Variants in CDH12 observed in about 807,000 individuals in gnomAD.
CDH12 encodes the protein cadherin-12.
In CDH12, 41 loss-of-function variants were observed where a neutral mutation model predicts 74.1. The ratio of observed to expected loss-of-function variants is 0.55; its 90% CI spans 0.43 to 0.72. The LOEUF (loss-of-function observed/expected upper bound fraction) is 0.72, where lower values mean the gene tolerates loss of function less well. Ranked by LOEUF, CDH12 falls within the 30% of genes least tolerant of loss-of-function variation. The pLI is 0.00. For missense variants in CDH12, 945 were observed against 977.2 expected (o/e 0.97, Z 0.44); for synonymous variants, 399 against 355.0 (o/e 1.12, Z -1.39).
chr5:22,415,543 T>C (rs1414969316), intron 2 of CDH12, among the ~76,000 whole-genome samples: 4 of 152,170 alleles, frequency 2.6e-5, no homozygotes, highest in African/African-American at 7.2e-5. Context: ...TGTTTTGGGA[T>C]TCCTATGAAT....
intron 3 of CDH12, among the ~76,000 whole-genome samples, chr5:22,271,528 T>G (rs1736400324): frequency 6.6e-6 from 1 of 152,196 alleles, no homozygotes; most frequent in African/African-American, 2.4e-5. Context: ...AAGAGCATCT[T>G]GCTTGGAAAA....
At chr5:21,833,134 A>G (rs1248503734) in intron 8 of CDH12, among the ~76,000 whole-genome samples, 2 of 31,456 alleles carry the variant, frequency 6.4e-5, no homozygotes, top group African/African-American at 2.7e-4. Context: ...ATTATATTAT[A>G]AATATATATT....
At chr5:22,295,757 G>A (rs1383054470) in intron 3 of CDH12, among the ~76,000 whole-genome samples, 1 of 151,938 alleles carries the variant, frequency 6.6e-6, no homozygotes, top group Non-Finnish European at 1.5e-5. Context: ...GAAAAATAAG[G>A]TACTGAGTAG....
chr5:22,422,574 T>C (rs955534888), intron 2 of CDH12, among the ~76,000 whole-genome samples: 1 of 152,128 alleles, frequency 6.6e-6, no homozygotes, highest in African/African-American at 2.4e-5. Flanking sequence ...TGATACGATA[T>C]CAACAAATAA....
At chr5:21,883,560 G>C in intron 6 of CDH12, 1 of 1,608,308 alleles carries the variant, frequency 6.2e-7, no homozygotes, top group Admixed American at 1.7e-5. Flanking sequence ...TGGTGGTGCA[G>C]TGTTTGGAGA....
chr5:22,521,044 T>C (rs1037316592), intron 1 of CDH12, among the ~76,000 whole-genome samples: 12 of 151,716 alleles, frequency 7.9e-5, no homozygotes, highest in African/African-American at 2.9e-4. Flanking sequence ...TCCTGTATCA[T>C]GGCAGGAGGT....
At chr5:22,662,893 G>C (rs1349219030) in intron 1 of CDH12, among the ~76,000 whole-genome samples, 1 of 152,022 alleles carries the variant, frequency 6.6e-6, no homozygotes, top group Non-Finnish European at 1.5e-5. Flanking sequence ...TGAAGGCTGA[G>C]GTTCTAAAAC....
intron 3 of CDH12, among the ~76,000 whole-genome samples, chr5:22,262,135 T>C (rs1268000750): frequency 6.6e-6 from 1 of 151,856 alleles, no homozygotes; most frequent in Non-Finnish European, 1.5e-5. Context: ...TTTTTTTTTA[T>C]ACTTTAAGTT....
In CDH12 at chr5:22,837,925, T is replaced by G. The variant is rs527477252; in HGVS notation, c.-523+15133A>C. On this transcript the variant is annotated intron_variant, in intron 1 of 14. Coordinates refer to ENST00000382254, the MANE Select transcript of CDH12 (RefSeq NM_004061.5). ...CTACTGCTCTGTCCTATATATCAATTTGGTGAAACGGGTAGCATACTTCAC... is the reference window on the plus strand; with the variant it reads ...CTACTGCTCTGTCCTATATATCAATGTGGTGAAACGGGTAGCATACTTCAC... 3.9e-4 allele frequency among the ~76,000 whole-genome samples: 59 copies of G among 152,258 alleles called. 1 individual carries two copies. In the South Asian group the frequency reaches 0.012, roughly 31 times the overall value.
At chr5:22,333,550 A>C (rs886420701) in intron 3 of CDH12, among the ~76,000 whole-genome samples, 12 of 152,118 alleles carry the variant, frequency 7.9e-5, no homozygotes, top group Non-Finnish European at 1.5e-5. Flanking sequence ...ATTCTACCAA[A>C]CATCTAAAAA....
At chr5:22,538,955 G>A (rs1041964329) in intron 1 of CDH12, among the ~76,000 whole-genome samples, 1 of 152,122 alleles carries the variant, frequency 6.6e-6, no homozygotes, top group Non-Finnish European at 1.5e-5. Flanking sequence ...TGTTCCACTG[G>A]CACAATCATA....
At chr5:21,847,866 C>T (rs191317105) in intron 7 of CDH12, among the ~76,000 whole-genome samples, 4 of 152,100 alleles carry the variant, frequency 2.6e-5, no homozygotes, top group East Asian at 3.9e-4. Flanking sequence ...ATATATTTCC[C>T]GTATTTATTC....
At chr5:22,382,194 T>C (rs1741789029) in intron 3 of CDH12, among the ~76,000 whole-genome samples, 1 of 146,064 alleles carries the variant, frequency 6.8e-6, no homozygotes, top group Non-Finnish European at 1.5e-5. Context: ...TATATTATTT[T>C]ATTAGATATT....
At chr5:22,274,542 A>G (rs1240931969) in intron 3 of CDH12, among the ~76,000 whole-genome samples, 2 of 152,046 alleles carry the variant, frequency 1.3e-5, no homozygotes, top group African/African-American at 4.8e-5. Flanking sequence ...TTAACCACAA[A>G]CATGAATTTA....
intron 2 of CDH12, among the ~76,000 whole-genome samples, chr5:22,478,417 CAAAAAAAA>C (rs34576542): frequency 1.0e-3 from 91 of 88,476 alleles, no homozygotes; most frequent in African/African-American, 4.1e-3. Context: ...GACTCCGTCT[CAAAAAAAA>C]AAAAAAAAAA....
At chr5:22,614,411 G>A (rs1302605217) in intron 1 of CDH12, among the ~76,000 whole-genome samples, 1 of 40,718 alleles carries the variant, frequency 2.5e-5, no homozygotes, top group Admixed American at 3.4e-4. Context: ...ATCAGGAAAT[G>A]TTTCCCTCTT....
At chr5:21,917,225 G>A (rs1249275650) in intron 6 of CDH12, among the ~76,000 whole-genome samples, 1 of 152,132 alleles carries the variant, frequency 6.6e-6, no homozygotes, top group Non-Finnish European at 1.5e-5. Context: ...GACAAGAGCT[G>A]GCACGTGGCA....
chr5:22,532,365 A>ACTTGT (rs1290455278), intron 1 of CDH12, among the ~76,000 whole-genome samples: 1 of 81,950 alleles, frequency 1.2e-5, no homozygotes, highest in Non-Finnish European at 2.5e-5. Context: ...ATATATATAT[A>ACTTGT]TATATATATA....
intron 3 of CDH12, among the ~76,000 whole-genome samples, chr5:22,249,615 AATATGATTACAATTCAGAAT>A (rs1371337327): frequency 6.6e-6 from 1 of 152,174 alleles, no homozygotes; most frequent in Non-Finnish European, 1.5e-5. Context: ...TGTCTGACAT[AATATGATTACAATTCAGAAT>A]GGAATCATCA....
Sources: gnomAD v4.1 joint callset for allele counts (sites outside exome capture counted in the v4.1 genomes callset) on GRCh38, gnomAD v4.1.1 for gene constraint, MANE v1.5 for transcripts, NCBI Gene and HGNC (gene_info 2026-07-23, HGNC 2026-07-21) for gene names.